The following KALRN variants were observed in gnomAD, a reference collection of about 807,000 sequenced individuals.
KALRN encodes the protein kalirin.
A neutral mutation model predicts 353.7 loss-of-function variants in KALRN; 70 were observed. That is an observed-to-expected ratio of 0.20 (90% CI 0.16 to 0.24). The LOEUF (loss-of-function observed/expected upper bound fraction) is 0.24, where lower values mean the gene tolerates loss of function less well. Among genes scored for constraint, KALRN ranks in the 10% least tolerant of loss-of-function variants. The pLI, the probability that KALRN is intolerant of heterozygous loss-of-function variation, is 1.00. For missense variants in KALRN, 2,791 were observed against 3,756.7 expected, an observed-to-expected ratio of 0.74 and a Z score of 6.72; for synonymous variants, 1,391 against 1,434.8, an observed-to-expected ratio of 0.97 and a Z score of 0.69.
In KALRN at chr3:124,664,370, T is replaced by TGCGCGCGC. The variant is rs1553719790; in HGVS notation, c.6346-2074_6346-2067dup. On this transcript the variant is annotated intron_variant, in intron 45 of 59. Transcript: ENST00000682506. ...GTGTGTGTGTGTGTGTGTGTGTGTG[T>TGCGCGCGC]GCGCGCGCGCGCATATAAGGGCACC... Among the ~76,000 whole-genome samples, 183 of 129,554 alleles carry TGCGCGCGC rather than the reference T, an allele frequency of 1.4e-3. 1 individual carries two copies. The highest frequency in any genetic ancestry group is 5.0e-3 in the African/African-American group (172 of 34,542). The allele number at this position is 129,554 out of a possible 152,430, so 85.0% of individuals were successfully genotyped here. A position where few individuals can be genotyped will look rare whatever the true frequency, so the allele number is the denominator to read the frequency against.
intron 1 of KALRN, among the ~76,000 whole-genome samples, chr3:124,194,771 G>A (rs916754817): frequency 6.6e-6 from 1 of 152,158 alleles, no homozygotes; most frequent in African/African-American, 2.4e-5. Context: ...GCCAGGTACT[G>A]CCAGAGCCCT....
intron 5 of KALRN, among the ~76,000 whole-genome samples, chr3:124,283,403 A>G (rs897941571): frequency 3.3e-5 from 5 of 152,196 alleles, no homozygotes; most frequent in African/African-American, 1.2e-4. Context: ...TGAGTGAAGT[A>G]CATTCCCTCA....
At chr3:124,673,845 A>G (rs966072790) in intron 48 of KALRN, among the ~76,000 whole-genome samples, 1 of 152,122 alleles carries the variant, frequency 6.6e-6, no homozygotes, top group African/African-American at 2.4e-5. Context: ...CTTGCCTTTG[A>G]ATTGGGCAGA....
intron 34 of KALRN, among the ~76,000 whole-genome samples, chr3:124,573,049 T>C (rs1384326016): frequency 2.0e-5 from 3 of 151,642 alleles, no homozygotes; most frequent in Non-Finnish European, 4.4e-5. Flanking sequence ...AAAAAATGTC[T>C]TGGGGTGGAA....
chr3:124,714,781 C>T (rs1265340068), intron 58 of KALRN, among the ~76,000 whole-genome samples: 1 of 152,080 alleles, frequency 6.6e-6, no homozygotes, highest in African/African-American at 2.4e-5. Context: ...TTTGAGAGGC[C>T]GAGGTGGGCG....
At chr3:124,689,491 C>T (rs746730887) in intron 51 of KALRN, among the ~76,000 whole-genome samples, 1 of 152,198 alleles carries the variant, frequency 6.6e-6, no homozygotes, top group African/African-American at 2.4e-5. Context: ...GCGTGAGCAA[C>T]CATACCCAGC....
chr3:124,200,164 C>T (rs942274669), intron 1 of KALRN, among the ~76,000 whole-genome samples: 1 of 152,204 alleles, frequency 6.6e-6, no homozygotes, highest in Non-Finnish European at 1.5e-5. Context: ...CAGTAGAAAA[C>T]TGGGTTCCTA....
intron 1 of KALRN, among the ~76,000 whole-genome samples, chr3:124,097,574 G>A (rs368373033): frequency 2.0e-5 from 3 of 152,106 alleles, no homozygotes; most frequent in Admixed American, 6.6e-5. Context: ...GGCTGTGACT[G>A]GAGGATAAGT....
At chr3:124,635,194 T>G (rs760060796) in intron 36 of KALRN, among the ~76,000 whole-genome samples, 1 of 152,108 alleles carries the variant, frequency 6.6e-6, no homozygotes, top group Non-Finnish European at 1.5e-5. Context: ...CATCCTGGGT[T>G]CCTGAGACAG....
intron 1 of KALRN, among the ~76,000 whole-genome samples, chr3:124,213,816 T>G (rs528764913): frequency 6.6e-6 from 1 of 152,300 alleles, no homozygotes; most frequent in East Asian, 1.9e-4. Context: ...TCATCTGTGA[T>G]GAGTGGTAGC....
At chr3:124,406,497 G>T (rs1472277993) in intron 13 of KALRN, among the ~76,000 whole-genome samples, 1 of 152,232 alleles carries the variant, frequency 6.6e-6, no homozygotes. Flanking sequence ...GCATTTGTAG[G>T]GCAGTGGAGA....
intron 5 of KALRN, among the ~76,000 whole-genome samples, chr3:124,270,442 C>G (rs939829630): frequency 6.6e-6 from 1 of 151,866 alleles, no homozygotes; most frequent in African/African-American, 2.4e-5. Flanking sequence ...TTGGGGCAGG[C>G]TTATGGTTGA....
At chr3:124,483,898 T>C (rs1484705731) in intron 28 of KALRN, among the ~76,000 whole-genome samples, 7 of 152,192 alleles carry the variant, frequency 4.6e-5, no homozygotes, top group African/African-American at 1.7e-4. Context: ...GAAAATAATG[T>C]CATTTCCACA....
At chr3:124,161,462 C>G (rs931149354) in intron 1 of KALRN, among the ~76,000 whole-genome samples, 1 of 152,298 alleles carries the variant, frequency 6.6e-6, no homozygotes, top group South Asian at 2.1e-4. Context: ...CGCTTCTCCC[C>G]CTCTACCCCT....
At chr3:124,649,631 A>AACAAAC (rs1435741217) in intron 37 of KALRN, among the ~76,000 whole-genome samples, 3 of 150,762 alleles carry the variant, frequency 2.0e-5, no homozygotes, top group Non-Finnish European at 4.4e-5. Context: ...CAAACAAACA[A>AACAAAC]ACAAAAAAGA....
At chr3:124,554,561 C>A (rs529976202) in intron 33 of KALRN, among the ~76,000 whole-genome samples, 17 of 152,262 alleles carry the variant, frequency 1.1e-4, no homozygotes, top group African/African-American at 3.8e-4. Flanking sequence ...TTCATGGATA[C>A]AATATCCTCT....
chr3:124,082,877 A>C (rs146339668), intron 1 of KALRN, among the ~76,000 whole-genome samples: 2 of 152,258 alleles, frequency 1.3e-5, no homozygotes, highest in South Asian at 4.1e-4. Flanking sequence ...ACATGCAGGC[A>C]TGATAAACAG....
chr3:124,283,961 G>A (rs917049368), intron 5 of KALRN, among the ~76,000 whole-genome samples: 3 of 152,084 alleles, frequency 2.0e-5, no homozygotes, highest in Admixed American at 6.5e-5. Flanking sequence ...GATCTGCTAT[G>A]TATCATATGC....
rs34633708 is a variant in KALRN at position 124,146,874 on chromosome 3, C to CAAAAAAAAAAAAAAAAAAAAAAAAAA, written c.74-81096_74-81095insAAAAAAAAAAAAAAAAAAAAAAAAAA. ...CCTGGGCAATAGAGCGACTCTGTCT[C>CAAAAAAAAAAAAAAAAAAAAAAAAAA]AAAAAAAAAAAAAAAAAAAAGAAAA... On this transcript the variant is annotated intron_variant, in intron 1 of 59. Transcript: ENST00000682506. Among the ~76,000 whole-genome samples, 107 of 49,884 alleles carry CAAAAAAAAAAAAAAAAAAAAAAAAAA rather than the reference C, an allele frequency of 2.1e-3. 1 individual carries two copies. Among genetic ancestry groups the CAAAAAAAAAAAAAAAAAAAAAAAAAA allele is most frequent in the Non-Finnish European group, 2.8e-3 (82 of 29,096 alleles). The allele number at this position is 49,884 out of a possible 152,430, so 32.7% of individuals were successfully genotyped here. A position where few individuals can be genotyped will look rare whatever the true frequency, so the allele number is the denominator to read the frequency against.
Sources: allele counts gnomAD v4.1 joint callset (sites outside exome capture counted in the v4.1 genomes callset), GRCh38; gene constraint gnomAD v4.1.1; transcripts MANE v1.5; gene names NCBI Gene and HGNC (gene_info 2026-07-23, HGNC 2026-07-21).